The following DNAAF9 variants were observed in gnomAD, a reference collection of about 807,000 sequenced individuals.
DNAAF9 encodes the protein shulin.
Under a neutral mutation model 167.0 loss-of-function variants are expected in DNAAF9, and 90 were observed. That is an observed-to-expected ratio of 0.54 (90% confidence interval 0.45 to 0.64). DNAAF9 has a LOEUF of 0.64. Among genes scored for constraint, DNAAF9 ranks in the 30% least tolerant of loss-of-function variants. The pLI is 0.00. For synonymous variants in DNAAF9, 491 were observed against 508.8 expected (o/e 0.96, Z 0.47); for missense variants, 1,315 against 1,442.2 (o/e 0.91, Z 1.43).
chr20:3,397,449 G>T (rs1316560701), intron 1 of DNAAF9, among the ~76,000 whole-genome samples: 1 of 152,052 alleles, frequency 6.6e-6, no homozygotes, highest in Non-Finnish European at 1.5e-5. Flanking sequence ...CTCCCGAGTA[G>T]CTGGGATTAC....
intron 17 of DNAAF9, 121 bp downstream of exon 17, chr20:3,318,168 T>C (rs776449528): frequency 9.7e-5 from 52 of 534,008 alleles, no homozygotes; most frequent in Non-Finnish European, 1.6e-4. Flanking sequence ...AGTGCTGTGA[T>C]CATCAGTTCT....
At chr20:3,298,348 GA>G (rs1322256023) in intron 21 of DNAAF9, among the ~76,000 whole-genome samples, 173 bp from the exon 22 acceptor site, 6 of 152,112 alleles carry the variant, frequency 3.9e-5, no homozygotes, top group Admixed American at 3.9e-4. Flanking sequence ...GAAATAAAAG[GA>G]TTTTTTTTTT....
At chr20:3,365,530 T>C (rs2083422092) in intron 6 of DNAAF9, among the ~76,000 whole-genome samples, 1 of 152,126 alleles carries the variant, frequency 6.6e-6, no homozygotes, top group East Asian at 1.9e-4. Context: ...TAGCTGGGAT[T>C]ACAGGGGCAT....
chr20:3,406,601 G>A (rs1430878284), intron 1 of DNAAF9, among the ~76,000 whole-genome samples: 2 of 152,118 alleles, frequency 1.3e-5, no homozygotes, highest in African/African-American at 2.4e-5. Flanking sequence ...AAACGCATAG[G>A]GCACAGAAAT....
At position 3,381,425 on chromosome 20, in the gene DNAAF9, A is replaced by G. The variant is rs2083651685; in HGVS notation, c.237T>C (p.Asn79=). Reference sequence around the variant, plus strand: ...ATCCCGTTTTCTCAAAATCACTGGTATTCTGATTGTACAAACCAAATAGAA... The same window carrying G: ...ATCCCGTTTTCTCAAAATCACTGGTGTTCTGATTGTACAAACCAAATAGAA... ...NYLLFGLYNQ[N]TSDFEKTGFS... The change falls in exon 3 of 37, where the codon AAT becomes AAC. Residue 79 remains asparagine, a synonymous_variant. Transcript: ENST00000252032. 6.2e-7 allele frequency: 1 copy of G among 1,612,186 alleles called. No homozygotes were observed.
In DNAAF9 at chr20:3,290,148, G is replaced by C; in HGVS notation, c.2308C>G (p.Leu770Val). Residue 770 changes from leucine to valine, a missense_variant, in exon 26 of 37, where the codon CTG (leucine) becomes GTG (valine). By Grantham distance (32) the Leu-to-Val change is conservative (BLOSUM62 1). Around this residue, in one of 2 missense-constraint regions of DNAAF9, gnomAD observed 981 missense variants for 1,012.5 expected, o/e 0.97. Coordinates refer to ENST00000252032, the MANE Select transcript of DNAAF9 (RefSeq NM_001009984.3). ...ASELCAFLVT[L>V]HKECGRWMVY... ...ACTAACCTGCCACATTCCTTATGCA[G>C]AGTGACCAGAAAAGCACAGAGCTCG... 6.2e-7 allele frequency: 1 copy of C among 1,610,744 alleles called. No homozygotes were observed. Among genetic ancestry groups the C allele is most frequent in the Non-Finnish European group, 8.5e-7 (1 of 1,176,840 alleles).
chr20:3,337,349 C>T (rs1196093829), intron 10 of DNAAF9, among the ~76,000 whole-genome samples: 2 of 151,214 alleles, frequency 1.3e-5, no homozygotes, highest in Admixed American at 6.6e-5. Flanking sequence ...CTGCAACCTC[C>T]GCCTTCCAAG....
At chr20:3,319,894 G>C (rs1336478660) in intron 16 of DNAAF9, among the ~76,000 whole-genome samples, 1 of 152,062 alleles carries the variant, frequency 6.6e-6, no homozygotes, top group Non-Finnish European at 1.5e-5. Flanking sequence ...AAAGGATTTC[G>C]AGCATCTGAA....
At chr20:3,393,547 T>G (rs950813625) in intron 1 of DNAAF9, among the ~76,000 whole-genome samples, 1 of 152,148 alleles carries the variant, frequency 6.6e-6, no homozygotes, top group Non-Finnish European at 1.5e-5. Flanking sequence ...ATAAATCAAA[T>G]AAAACTGTTG....
chr20:3,375,113 T>C lies in DNAAF9; in HGVS notation c.422A>G (p.Glu141Gly), dbSNP rs981140150. 6.3e-7 allele frequency: 1 copy of C among 1,596,494 alleles called. No homozygotes were observed. The highest frequency in any genetic ancestry group is 8.6e-7 in the Non-Finnish European group (1 of 1,164,212). ...CMTENEYEDE[E>G]AAEEFKITSF... ...GGTAATTTTAAATTCTTCTGCGGCT[T>C]CTTCATCTTCATACTGAAGAGACAA... is the stretch of plus-strand genomic sequence containing the variant. The change falls in exon 5 of 37, where the codon GAA becomes GGA. Residue 141 changes from glutamate to glycine, a missense_variant. Physicochemically the swap from Glu to Gly is moderately conservative, Grantham distance 98. Around this residue, in one of 2 missense-constraint regions of DNAAF9, gnomAD observed 981 missense variants for 1,012.5 expected, o/e 0.97. Coordinates refer to ENST00000252032, the MANE Select transcript of DNAAF9 (RefSeq NM_001009984.3).
At chr20:3,253,373 G>A (rs1316818495) in intron 36 of DNAAF9, among the ~76,000 whole-genome samples, 7 of 152,170 alleles carry the variant, frequency 4.6e-5, no homozygotes, top group African/African-American at 7.2e-5. Context: ...CCTGGGAGAC[G>A]GAGGTTGCAG....
intron 6 of DNAAF9, among the ~76,000 whole-genome samples, chr20:3,363,782 T>A (rs1471289221): frequency 6.6e-6 from 1 of 152,212 alleles, no homozygotes; most frequent in Non-Finnish European, 1.5e-5. Context: ...TCTCTGCACT[T>A]CATCTTGGAT....
Position 3,285,979 on chromosome 20 carries a change from C to CA in DNAAF9, c.2486+1652dup, listed in dbSNP as rs913877421. ...TGGGCAACAGAGCAAGACTCCGTTT[C>CA]AAAAAAAAAAAAGAAAAAGAAAAAA... On this transcript the variant is annotated intron_variant, in intron 27 of 36. Transcript: ENST00000252032. Among the ~76,000 whole-genome samples, 324 of 101,990 alleles carry CA rather than the reference C, an allele frequency of 3.2e-3. 1 individual carries two copies. The highest frequency in any genetic ancestry group is 6.0e-3 in the African/African-American group (160 of 26,654). The allele number at this position is 101,990 out of a possible 152,430, so 66.9% of individuals were successfully genotyped here.
At chr20:3,328,589 G>A (rs1406816128) in intron 12 of DNAAF9, among the ~76,000 whole-genome samples, 1 of 152,150 alleles carries the variant, frequency 6.6e-6, no homozygotes, top group East Asian at 1.9e-4. Context: ...TCCCTGACAT[G>A]GGGCATCAAT....
At chr20:3,357,846 A>C (rs1487005157) in intron 7 of DNAAF9, among the ~76,000 whole-genome samples, 1 of 151,146 alleles carries the variant, frequency 6.6e-6, no homozygotes, top group Non-Finnish European at 1.5e-5. Context: ...TGATCTCTAC[A>C]AAAAAAATAA....
intron 3 of DNAAF9, among the ~76,000 whole-genome samples, chr20:3,378,526 G>A (rs759928555): frequency 1.3e-5 from 2 of 152,194 alleles, no homozygotes; most frequent in Non-Finnish European, 2.9e-5. Flanking sequence ...ATGGGATGGA[G>A]TAGAATATTA....
intron 1 of DNAAF9, among the ~76,000 whole-genome samples, chr20:3,385,912 A>G (rs978468805): frequency 6.6e-5 from 10 of 152,238 alleles, no homozygotes; most frequent in Middle Eastern, 3.2e-3. Flanking sequence ...CATAGTACTG[A>G]TATCAATTTT....
intron 7 of DNAAF9, among the ~76,000 whole-genome samples, 185 bp downstream of exon 7, chr20:3,359,331 T>C (rs2083329642): frequency 6.6e-6 from 1 of 152,228 alleles, no homozygotes. Flanking sequence ...GAGGGAGCAG[T>C]GTCACTTTGC....
At chr20:3,361,917 A>T in intron 6 of DNAAF9, 1 of 1,506,236 alleles carries the variant, frequency 6.6e-7, no homozygotes, top group Non-Finnish European at 9.2e-7. Flanking sequence ...TGGCTGAGGG[A>T]GTTTCATATT....
Sources: allele counts gnomAD v4.1 joint callset (sites outside exome capture counted in the v4.1 genomes callset), GRCh38; gene constraint gnomAD v4.1.1; regional missense constraint gnomAD v4.1.1; transcripts MANE v1.5; gene names NCBI Gene and HGNC (gene_info 2026-07-23, HGNC 2026-07-21).